The following WDR41 variants were observed in gnomAD, a reference collection of about 807,000 sequenced individuals.
WDR41 encodes WD repeat domain 41.
A neutral mutation model predicts 69.3 loss-of-function variants in WDR41; 63 were observed. The ratio of observed to expected loss-of-function variants is 0.91; its 90% CI spans 0.74 to 1.12. The LOEUF is 1.12. Among genes scored for constraint, WDR41 ranks in the 50% most tolerant of loss-of-function variants. WDR41 has a pLI of 0.00. For synonymous variants in WDR41, 185 were observed against 192.1 expected (o/e 0.96, Z 0.31); for missense variants, 543 against 534.5 (o/e 1.02, Z -0.16).
intron 1 of WDR41, among the ~76,000 whole-genome samples, chr5:77,514,440 C>T (rs1802262990): frequency 6.6e-6 from 1 of 152,154 alleles, no homozygotes; most frequent in Non-Finnish European, 1.5e-5. Flanking sequence ...TTTGCTTTTA[C>T]AGAATCATAT....
intron 8 of WDR41, among the ~76,000 whole-genome samples, chr5:77,442,781 A>G (rs1267068099): frequency 6.7e-6 from 1 of 149,210 alleles, no homozygotes; most frequent in Admixed American, 6.8e-5. Context: ...AGTCCCAGCT[A>G]CTCGGGAGGC....
In WDR41 at chr5:77,433,083, A is replaced by G; in HGVS notation, c.*52T>C. On this transcript the variant is annotated 3_prime_UTR_variant, in exon 13 of 13. Coordinates refer to ENST00000296679, the MANE Select transcript of WDR41 (RefSeq NM_018268.4). Reference sequence around the variant, plus strand: ...ATATATTAATGGTTTTCAGAGTAGTACCCGATATTTGATGTTCAAGGTTCA... The same window carrying G: ...ATATATTAATGGTTTTCAGAGTAGTGCCCGATATTTGATGTTCAAGGTTCA... The G allele has an allele frequency of 3.3e-6, 5 of 1,536,920 alleles. No homozygotes were observed. Among genetic ancestry groups the G allele is most frequent in the Non-Finnish European group, 4.4e-6 (5 of 1,140,214 alleles).
At chr5:77,448,999 C>T (rs1215762648) in intron 8 of WDR41, among the ~76,000 whole-genome samples, 1 of 152,176 alleles carries the variant, frequency 6.6e-6, no homozygotes, top group Non-Finnish European at 1.5e-5. Flanking sequence ...ACAGGATCGT[C>T]CTGCAGGCTC....
At chr5:77,594,206 A>G (rs1004194050) in intron 1 of WDR41, among the ~76,000 whole-genome samples, 2 of 141,430 alleles carry the variant, frequency 1.4e-5, no homozygotes, top group Non-Finnish European at 3.0e-5. Flanking sequence ...ACAGGTGGGA[A>G]TTGAACAATG....
chr5:77,442,848 C>T (rs1164751593), intron 8 of WDR41, among the ~76,000 whole-genome samples: 6 of 137,620 alleles, frequency 4.4e-5, no homozygotes, highest in South Asian at 2.3e-4. Flanking sequence ...GCCGAGATCG[C>T]GCCACTGCCC....
chr5:77,566,763 C>T (rs1023278618), intron 1 of WDR41, among the ~76,000 whole-genome samples: 44 of 152,222 alleles, frequency 2.9e-4, no homozygotes, highest in Admixed American at 2.0e-4. Flanking sequence ...CCCACTTCTT[C>T]GGACACACAG....
chr5:77,617,161 C>T (rs746617570), intron 1 of WDR41, among the ~76,000 whole-genome samples: 5 of 152,198 alleles, frequency 3.3e-5, no homozygotes, highest in Non-Finnish European at 7.3e-5. Flanking sequence ...AATATAATAG[C>T]CACAAGCCAC....
At chr5:77,538,683 T>G (rs1252600373) in intron 1 of WDR41, among the ~76,000 whole-genome samples, 2 of 152,184 alleles carry the variant, frequency 1.3e-5, no homozygotes, top group Non-Finnish European at 2.9e-5. Context: ...AGGATTTCAT[T>G]CTTTAAAAAT....
intron 1 of WDR41, chr5:77,582,475 A>C: frequency 6.2e-7 from 1 of 1,601,996 alleles, no homozygotes; most frequent in Non-Finnish European, 8.5e-7. Flanking sequence ...CAAGCGCCTG[A>C]GAAAGAAGTT....
chr5:77,555,788 A>G (rs1743378840), intron 1 of WDR41, among the ~76,000 whole-genome samples: 1 of 152,218 alleles, frequency 6.6e-6, no homozygotes, highest in Middle Eastern at 3.2e-3. Context: ...TTGGAAGACA[A>G]ATTCATAAAG....
intron 5 of WDR41, among the ~76,000 whole-genome samples, chr5:77,455,898 T>G (rs1278462919): frequency 2.6e-5 from 4 of 152,130 alleles, no homozygotes; most frequent in African/African-American, 2.4e-5. Context: ...AACTTTGTTT[T>G]TCCATTTTAA....
chr5:77,605,919 C>A (rs1744409126), intron 1 of WDR41, among the ~76,000 whole-genome samples: 1 of 151,926 alleles, frequency 6.6e-6, no homozygotes, highest in Non-Finnish European at 1.5e-5. Context: ...AATGTGATTA[C>A]TGTTCTCAAG....
chr5:77,543,956 T>TC (rs1365950930), intron 1 of WDR41, among the ~76,000 whole-genome samples: 1 of 152,164 alleles, frequency 6.6e-6, no homozygotes, highest in Non-Finnish European at 1.5e-5. Context: ...ACAGCAGATT[T>TC]CTCAGCAGAA....
At chr5:77,439,328 A>G (rs762764542) in intron 9 of WDR41, among the ~76,000 whole-genome samples, 2 of 152,200 alleles carry the variant, frequency 1.3e-5, no homozygotes, top group Non-Finnish European at 2.9e-5. Context: ...ACCTATAGTA[A>G]CTGAACCAAA....
chr5:77,544,227 A>G (rs1024828153), intron 1 of WDR41, among the ~76,000 whole-genome samples: 2 of 141,404 alleles, frequency 1.4e-5, no homozygotes, highest in Non-Finnish European at 3.3e-5. Context: ...GACCTATAAA[A>G]CAAAAACACA....
chr5:77,471,583 G>C (rs931042031), intron 2 of WDR41, among the ~76,000 whole-genome samples: 1 of 152,206 alleles, frequency 6.6e-6, no homozygotes, highest in East Asian at 1.9e-4. Context: ...AATAAAAAAT[G>C]ATAAAGGGGA....
upstream of WDR41, among the ~76,000 whole-genome samples, chr5:77,492,853 T>C (rs531635739): frequency 6.6e-6 from 1 of 152,238 alleles, no homozygotes; most frequent in Non-Finnish European, 1.5e-5. Context: ...GGTAAACCTA[T>C]ATCCTCTATT....
At chr5:77,436,109 A>G in intron 12 of WDR41, 152 bp downstream of exon 12, 1 of 964,666 alleles carries the variant, frequency 1.0e-6, no homozygotes. Flanking sequence ...CTAACTGCAC[A>G]TACTATAGCC....
At chr5:77,436,537 G>A (rs1798942323) in intron 11 of WDR41, 143 bp from the exon 12 acceptor site, 5 of 969,508 alleles carry the variant, frequency 5.2e-6, no homozygotes, top group Non-Finnish European at 7.5e-6. Flanking sequence ...CCGTGCTAGG[G>A]TTTTGTGAAT....
Sources: gnomAD v4.1 joint callset for allele counts (sites outside exome capture counted in the v4.1 genomes callset) on GRCh38, gnomAD v4.1.1 for gene constraint, MANE v1.5 for transcripts, NCBI Gene and HGNC (gene_info 2026-07-23, HGNC 2026-07-21) for gene names.